SP4: variants seen among roughly 807,000 people sequenced by gnomAD.
SP4 encodes the protein transcription factor Sp4.
A neutral mutation model predicts 72.8 loss-of-function variants in SP4; 19 were observed. The ratio of observed to expected loss-of-function variants is 0.26; its 90% CI spans 0.18 to 0.38. The LOEUF (loss-of-function observed/expected upper bound fraction) is 0.38. Ranked by LOEUF, SP4 falls within the 10% of genes least tolerant of loss-of-function variation. The pLI is 1.00. For missense variants in SP4, 1,008 were observed against 926.3 expected (o/e 1.09, Z -1.14); for synonymous variants, 395 against 333.1 (o/e 1.19, Z -2.02).
At chr7:21,482,158 T>A (rs772087879) in intron 5 of SP4, 35 bp downstream of exon 5, 1 of 1,526,062 alleles carries the variant, frequency 6.6e-7, no homozygotes, top group South Asian at 1.2e-5. Flanking sequence ...TTTTTACTTA[T>A]TTCTTCAGTT....
chr7:21,458,582 T>G (rs538276029), intron 3 of SP4, among the ~76,000 whole-genome samples: 2 of 152,194 alleles, frequency 1.3e-5, no homozygotes, highest in Non-Finnish European at 2.9e-5. Context: ...CTCTTCTCCC[T>G]TCACCACAGA....
At chr7:21,447,343 C>A (rs1783459877) in intron 3 of SP4, among the ~76,000 whole-genome samples, 2 of 152,192 alleles carry the variant, frequency 1.3e-5, no homozygotes, top group South Asian at 4.1e-4. Context: ...TTTGGGTAAC[C>A]ATCCTAACCT....
intron 5 of SP4, among the ~76,000 whole-genome samples, chr7:21,485,184 A>G (rs1784779495): frequency 6.6e-6 from 1 of 151,974 alleles, no homozygotes. Context: ...AGCATTTAAT[A>G]TGTTAAGTTG....
At chr7:21,436,847 C>T (rs1182307473) in intron 3 of SP4, among the ~76,000 whole-genome samples, 1 of 152,218 alleles carries the variant, frequency 6.6e-6, no homozygotes, top group Non-Finnish European at 1.5e-5. Flanking sequence ...AAATGAGCCT[C>T]TTTCTCCCAC....
intron 5 of SP4, among the ~76,000 whole-genome samples, chr7:21,489,562 T>C (rs868455422): frequency 3.5e-3 from 495 of 141,026 alleles, no homozygotes; most frequent in African/African-American, 0.011. Context: ...TCTTTTTTTT[T>C]TTTTTTTTTT....
Position 21,453,594 on chromosome 7 carries a change from A to G in SP4, c.1678+22751A>G, listed in dbSNP as rs184507527. Among the ~76,000 whole-genome samples the G allele has an allele frequency of 3.0e-3, 453 of 152,354 alleles. 3 individuals carry two copies. In the Middle Eastern group the frequency reaches 0.054, roughly 18 times the overall value. Reference sequence around the variant, plus strand: ...TACAGCCCAAAGAAAGCTGGATTTCACCTTTGCATTGGTGTACTATTGATG... The same window carrying G: ...TACAGCCCAAAGAAAGCTGGATTTCGCCTTTGCATTGGTGTACTATTGATG... On this transcript the variant is annotated intron_variant, in intron 3 of 5. Coordinates refer to ENST00000222584, the MANE Select transcript of SP4 (RefSeq NM_003112.5).
intron 3 of SP4, among the ~76,000 whole-genome samples, chr7:21,460,940 C>T (rs1286918234): frequency 1.3e-5 from 2 of 151,736 alleles, no homozygotes; most frequent in South Asian, 2.1e-4. Context: ...AAAGATTCTC[C>T]AAGTCCCCAC....
chr7:21,428,194 A>G lies in SP4; in HGVS notation c.-58A>G. On this transcript the variant is annotated 5_prime_UTR_variant, in exon 1 of 6. Transcript: ENST00000222584. Reference sequence around the variant, plus strand: ...CGGCCTCTCCTCCCGCCTCGCCCCCACCCCCACCCACCTCTATCCCAGTGT... The same window carrying G: ...CGGCCTCTCCTCCCGCCTCGCCCCCGCCCCCACCCACCTCTATCCCAGTGT... The G allele has an allele frequency of 8.0e-6, 2 of 248,666 alleles. No homozygotes were observed. The highest frequency in any genetic ancestry group is 1.6e-5 in the Non-Finnish European group (2 of 124,068). 15.4% of individuals were successfully genotyped at this position (248,666 alleles called of 1,614,324 possible).
At chr7:21,502,043 C>CCT (rs1781879056) in intron 5 of SP4, among the ~76,000 whole-genome samples, 1 of 97,362 alleles carries the variant, frequency 1.0e-5, no homozygotes, top group Non-Finnish European at 2.0e-5. Context: ...ATTAGGCACC[C>CCT]CCCCCCCCCC....
At position 21,438,005 on chromosome 7, in the gene SP4, CT is replaced by C. The variant is rs778336243; in HGVS notation, c.1678+7175del. 3.7e-3 allele frequency among the ~76,000 whole-genome samples: 520 copies of C among 140,378 alleles called. 3 individuals are homozygous for C. The highest frequency in any genetic ancestry group is 9.5e-3 in the African/African-American group (366 of 38,600). The allele number at this position is 140,378 out of a possible 152,430, so 92.1% of individuals were successfully genotyped here. A position where few individuals can be genotyped will look rare whatever the true frequency, so the allele number is the denominator to read the frequency against. On this transcript the variant is annotated intron_variant, in intron 3 of 5. Coordinates refer to ENST00000222584, the MANE Select transcript of SP4 (RefSeq NM_003112.5). ...CAGCTGTCTTTAGATATATGAGGGG[CT>C]TTTTTTTTTTTTCTAACGTAGTTCT... is the stretch of plus-strand genomic sequence containing the variant.
intron 3 of SP4, chr7:21,471,080 C>T (rs749715088): frequency 7.5e-6 from 4 of 534,676 alleles, no homozygotes; most frequent in South Asian, 4.2e-5. Context: ...CTCGGAGACA[C>T]AGAACATTAG....
chr7:21,484,508 T>C (rs538283108), intron 5 of SP4, among the ~76,000 whole-genome samples: 1 of 152,012 alleles, frequency 6.6e-6, no homozygotes, highest in East Asian at 1.9e-4. Flanking sequence ...AAAGTTAGCA[T>C]TATAGTAAAG....
At chr7:21,450,728 C>T (rs914984968) in intron 3 of SP4, among the ~76,000 whole-genome samples, 2 of 152,200 alleles carry the variant, frequency 1.3e-5, no homozygotes, top group Non-Finnish European at 2.9e-5. Flanking sequence ...TCATATACTA[C>T]ATACTAGCTT....
intron 5 of SP4, among the ~76,000 whole-genome samples, chr7:21,489,209 G>A (rs1384798029): frequency 6.6e-6 from 1 of 152,156 alleles, no homozygotes; most frequent in African/African-American, 2.4e-5. Flanking sequence ...AAATGAAACA[G>A]ATTCTGTAAA....
At chr7:21,478,763 A>G (rs6943809) in intron 4 of SP4, among the ~76,000 whole-genome samples, 31,941 of 152,138 alleles carry the variant, frequency 0.21, 3,479 homozygotes, top group Middle Eastern at 0.41. Context: ...CTTATCAGAT[A>G]TACAATTTGA....
At chr7:21,431,271 T>C (rs1782844814) in intron 3 of SP4, among the ~76,000 whole-genome samples, 1 of 152,204 alleles carries the variant, frequency 6.6e-6, no homozygotes, top group Non-Finnish European at 1.5e-5. Flanking sequence ...TTCTGTGGTG[T>C]AATAAGGCTA....
At chr7:21,497,993 CCTT>C (rs1422293954) in intron 5 of SP4, among the ~76,000 whole-genome samples, 1 of 152,112 alleles carries the variant, frequency 6.6e-6, no homozygotes, top group East Asian at 1.9e-4. Flanking sequence ...ATCTAAACCT[CCTT>C]AAGTCTTCTT....
chr7:21,446,722 A>C (rs1052996893), intron 3 of SP4, among the ~76,000 whole-genome samples: 1 of 152,226 alleles, frequency 6.6e-6, no homozygotes, highest in Non-Finnish European at 1.5e-5. Context: ...GCTCAGGAAA[A>C]ATACTATTTA....
intron 3 of SP4, among the ~76,000 whole-genome samples, chr7:21,438,593 G>T (rs1476124189): frequency 6.6e-6 from 1 of 152,016 alleles, no homozygotes; most frequent in African/African-American, 2.4e-5. Flanking sequence ...TTCTGACACT[G>T]AATTTGTAGT....
Sources: gnomAD v4.1 joint callset for allele counts (sites outside exome capture counted in the v4.1 genomes callset) on GRCh38, gnomAD v4.1.1 for gene constraint, MANE v1.5 for transcripts, NCBI Gene and HGNC (gene_info 2026-07-23, HGNC 2026-07-21) for gene names.